Variants in CLIC4 observed in about 807,000 individuals in gnomAD.
CLIC4 encodes CLIC family member 4.
Under a neutral mutation model 24.6 loss-of-function variants are expected in CLIC4, and 13 were observed. The ratio of observed to expected loss-of-function variants is 0.53; its 90% confidence interval spans 0.34 to 0.84. CLIC4 has a LOEUF of 0.84. Ranked by LOEUF, CLIC4 falls within the 40% of genes least tolerant of loss-of-function variation. The probability of loss-of-function intolerance (pLI) is 0.01; values close to 1 mark genes in which losing one functional copy is unlikely to be tolerated. For synonymous variants in CLIC4, 104 were observed against 111.3 expected (o/e 0.93, Z 0.41); for missense variants, 227 against 301.7 (o/e 0.75, Z 1.83).
intron 3 of CLIC4, among the ~76,000 whole-genome samples, chr1:24,816,078 T>G (rs1639664384): frequency 6.6e-6 from 1 of 152,160 alleles, no homozygotes; most frequent in Non-Finnish European, 1.5e-5. Context: ...CCAGTTCTAA[T>G]TCTAGTTCTC....
intron 4 of CLIC4, among the ~76,000 whole-genome samples, chr1:24,830,710 T>C (rs964252903): frequency 6.6e-6 from 1 of 152,316 alleles, no homozygotes; most frequent in Admixed American, 6.5e-5. Flanking sequence ...ACTTTCATAA[T>C]TACTTTTAAA....
At chr1:24,789,072 C>A (rs1639304616) in intron 1 of CLIC4, among the ~76,000 whole-genome samples, 1 of 152,162 alleles carries the variant, frequency 6.6e-6, no homozygotes, top group African/African-American at 2.4e-5. Flanking sequence ...TTTGCTGTTA[C>A]AAACAATAAG....
chr1:24,776,418 G>A (rs755354142), intron 1 of CLIC4, among the ~76,000 whole-genome samples: 7 of 152,144 alleles, frequency 4.6e-5, no homozygotes, highest in African/African-American at 9.7e-5. Context: ...AGTGCCTTCA[G>A]GTGTTTTTGT....
At chr1:24,805,108 C>A (rs34846250) in intron 2 of CLIC4, among the ~76,000 whole-genome samples, 29,717 of 98,068 alleles carry the variant, frequency 0.3, 4,442 homozygotes, top group Non-Finnish European at 0.37. Flanking sequence ...AAAAAAAACA[C>A]AAAAACAAAG....
chr1:24,760,171 C>T (rs947629362), intron 1 of CLIC4, among the ~76,000 whole-genome samples: 33 of 152,052 alleles, frequency 2.2e-4, no homozygotes, highest in African/African-American at 6.8e-4. Context: ...TTTGAGACAG[C>T]CTGGCCAACA....
chr1:24,769,329 A>G (rs1168681207), intron 1 of CLIC4, among the ~76,000 whole-genome samples: 1 of 152,228 alleles, frequency 6.6e-6, no homozygotes, highest in Non-Finnish European at 1.5e-5. Flanking sequence ...AATAGATAGC[A>G]TTGGGTGCTT....
rs1557812236 is a variant in CLIC4 at position 24,820,046 on chromosome 1, T to TTA, written c.308+5827_308+5828insTA. On this transcript the variant is annotated intron_variant, in intron 3 of 5. Transcript: ENST00000374379. ...ATGAGCTACCGCGCCCAGCCATACT[T>TTA]CAAAAAAAAAAAAAAAGTATGTATA... Among the ~76,000 whole-genome samples the TTA allele has an allele frequency of 8.7e-4, 64 of 73,544 alleles. 2 individuals are homozygous for TTA. Among genetic ancestry groups the TTA allele is most frequent in the African/African-American group, 1.0e-3 (22 of 22,108 alleles). 48.2% of individuals were successfully genotyped at this position (73,544 alleles called of 152,430 possible). A position where few individuals can be genotyped will look rare whatever the true frequency, so the allele number is the denominator to read the frequency against.
chr1:24,806,096 A>G (rs566604077), intron 2 of CLIC4, among the ~76,000 whole-genome samples: 56 of 152,382 alleles, frequency 3.7e-4, no homozygotes, highest in African/African-American at 1.3e-3. Flanking sequence ...ATGAGTTTTA[A>G]TCAAGTGTTG....
intron 3 of CLIC4, among the ~76,000 whole-genome samples, chr1:24,820,097 A>ATATATATATATATATATATG (rs1448055026): frequency 1.0e-5 from 1 of 100,378 alleles, no homozygotes; most frequent in Non-Finnish European, 2.1e-5. Context: ...ATATATATAT[A>ATATATATATATATATATATG]GACAGTATCT....
intron 3 of CLIC4, among the ~76,000 whole-genome samples, chr1:24,814,928 C>T (rs1444692219): frequency 6.6e-6 from 1 of 152,062 alleles, no homozygotes; most frequent in Non-Finnish European, 1.5e-5. Flanking sequence ...TGACTGTTGC[C>T]CTCCATGTCC....
chr1:24,769,181 T>C (rs1639043595), intron 1 of CLIC4, among the ~76,000 whole-genome samples: 1 of 152,120 alleles, frequency 6.6e-6, no homozygotes, highest in Admixed American at 6.6e-5. Flanking sequence ...TGAAGTGACT[T>C]TAAAATCTTT....
Position 24,817,472 on chromosome 1 carries a change from T to G in CLIC4, c.308+3253T>G, listed in dbSNP as rs78953052. 5.6e-3 allele frequency among the ~76,000 whole-genome samples: 859 copies of G among 152,368 alleles called. 7 individuals carry two copies. Among genetic ancestry groups the G allele is most frequent in the African/African-American group, 0.018 (733 of 41,584 alleles). Reference sequence around the variant, plus strand: ...TGTAGATTTGTCACCTCTCTCTGCCTTGATAGAACTGAAGTGAGTTAGGGC... The same window carrying G: ...TGTAGATTTGTCACCTCTCTCTGCCGTGATAGAACTGAAGTGAGTTAGGGC... On this transcript the variant is annotated intron_variant, in intron 3 of 5. Coordinates refer to ENST00000374379, the MANE Select transcript of CLIC4 (RefSeq NM_013943.3).
chr1:24,788,407 A>G (rs1471356531), intron 1 of CLIC4, among the ~76,000 whole-genome samples: 1 of 152,144 alleles, frequency 6.6e-6, no homozygotes, highest in African/African-American at 2.4e-5. Flanking sequence ...TATCTGTATG[A>G]ATTTGCCTAT....
At position 24,793,155 on chromosome 1, in the gene CLIC4, G is replaced by GTTTTTTTTTTTTTTTT. The variant is rs398102593; in HGVS notation, c.73-4585_73-4584insTTTTTTTTTTTTTTTT. 7.6e-5 allele frequency: 2 copies of GTTTTTTTTTTTTTTTT among 26,416 alleles called. 1 individual carries two copies. The allele number at this position is 26,416 out of a possible 1,614,324, so 1.6% of individuals were successfully genotyped here. ...CTAGTTCTTTGTGTACCAAATTACT[G>GTTTTTTTTTTTTTTTT]TTGTTTTTTTTTTTTTTTCAGTAAA... On this transcript the variant is annotated intron_variant, in intron 1 of 5. Transcript: ENST00000374379.
At chr1:24,812,870 C>G (rs1027200147) in intron 2 of CLIC4, among the ~76,000 whole-genome samples, 2 of 151,920 alleles carry the variant, frequency 1.3e-5, no homozygotes, top group African/African-American at 4.8e-5. Flanking sequence ...AGGTGCATGC[C>G]ACCATGCCCA....
intron 1 of CLIC4, among the ~76,000 whole-genome samples, chr1:24,757,792 C>T (rs1176282986): frequency 6.6e-6 from 1 of 151,494 alleles, no homozygotes; most frequent in Non-Finnish European, 1.5e-5. Flanking sequence ...TTTTGAGACA[C>T]AGTCTTCCTC....
intron 4 of CLIC4, among the ~76,000 whole-genome samples, chr1:24,838,862 G>T (rs185781220): frequency 2.6e-5 from 4 of 152,258 alleles, no homozygotes; most frequent in African/African-American, 9.6e-5. Context: ...AATAACAACA[G>T]ACAGATCTTC....
At chr1:24,811,776 A>G (rs1420535415) in intron 2 of CLIC4, among the ~76,000 whole-genome samples, 1 of 151,676 alleles carries the variant, frequency 6.6e-6, no homozygotes, top group South Asian at 2.1e-4. Context: ...CACTGCACCC[A>G]GCCTGCCCCA....
Position 24,814,236 on chromosome 1 carries a change from A to G in CLIC4, c.308+17A>G. ...CCCTCCCAAGTGAGTATCAAGGAAAATACGTATGAAAATATTGTCACTTCT... is the reference window on the plus strand; with the variant it reads ...CCCTCCCAAGTGAGTATCAAGGAAAGTACGTATGAAAATATTGTCACTTCT... On this transcript the variant is annotated intron_variant, in intron 3 of 5. Coordinates refer to ENST00000374379, the MANE Select transcript of CLIC4 (RefSeq NM_013943.3). 6.2e-7 allele frequency: 1 copy of G among 1,602,386 alleles called. No individual in the cohort carries two copies. The highest frequency in any genetic ancestry group is 8.5e-7 in the Non-Finnish European group (1 of 1,175,886).
Sources: allele counts gnomAD v4.1 joint callset (sites outside exome capture counted in the v4.1 genomes callset), GRCh38; gene constraint gnomAD v4.1.1; transcripts MANE v1.5; gene names NCBI Gene and HGNC (gene_info 2026-07-23, HGNC 2026-07-21).